Variants in PRR29 observed in about 807,000 individuals in gnomAD.
The protein encoded by PRR29 is proline-rich protein 29.
A neutral mutation model predicts 25.1 loss-of-function variants in PRR29; 20 were observed. That is an observed-to-expected ratio of 0.80 (90% CI 0.56 to 1.16). The LOEUF is 1.16. PRR29 is among the 50% of genes most tolerant of loss of function. PRR29 has a pLI of 0.00. For synonymous variants in PRR29, 108 were observed against 102.6 expected (o/e 1.05, Z -0.32); for missense variants, 238 against 246.6 (o/e 0.97, Z 0.23).
chr17:64,000,715 C>G lies in PRR29; in HGVS notation c.244-369C>G, dbSNP rs374093393. ...CCGCCCAGGCTGGAGTGCAGTAGCT[C>G]GATCTCTGCTCACTGCAAGCTCCGC... On this transcript the variant is annotated intron_variant, in intron 3 of 5. Coordinates refer to ENST00000412177, the MANE Select transcript of PRR29 (RefSeq NM_001164257.2). The G allele has an allele frequency of 3.7e-5, 8 of 215,494 alleles. No homozygotes were observed. The South Asian group carries it at 6.0e-4, about 16-fold the overall frequency. The allele number at this position is 215,494 out of a possible 1,614,324, so 13.3% of individuals were successfully genotyped here.
chr17:64,003,433 C>T lies in PRR29; in HGVS notation c.*1672C>T, dbSNP rs1451807731. ...ATGGGGCTTGATGGTGGCCGAGGAA[C>T]TAGTTGACCTCTCCCGACCTCTGGA... On this transcript the variant is annotated 3_prime_UTR_variant, in exon 6 of 6. Transcript: ENST00000412177. 1 of 584,698 alleles carries T rather than the reference C, an allele frequency of 1.7e-6. No homozygotes were observed. The highest frequency in any genetic ancestry group is 3.0e-6 in the Non-Finnish European group (1 of 328,330). The allele number at this position is 584,698 out of a possible 1,614,324, so 36.2% of individuals were successfully genotyped here.
Position 64,002,535 on chromosome 17 carries a change from C to T in PRR29, c.*774C>T, listed in dbSNP as rs888094648. 1.1e-5 allele frequency: 6 copies of T among 563,970 alleles called. No homozygotes were observed. Among genetic ancestry groups the T allele is most frequent in the East Asian group, 8.8e-5 (3 of 34,184 alleles). 34.9% of individuals were successfully genotyped at this position (563,970 alleles called of 1,614,324 possible). On this transcript the variant is annotated 3_prime_UTR_variant, in exon 6 of 6. Transcript: ENST00000412177. ...GAGGCATCTAGGGAGAGGGGTCCCC[C>T]ATGGTGGCTCCCCTCCCTGGCCATT...
chr17:64,003,614 TCC>T lies in PRR29; in HGVS notation c.*1855_*1856del. On this transcript the variant is annotated 3_prime_UTR_variant, in exon 6 of 6. Transcript: ENST00000412177. ...CGAGGGGCTGAAAGTGACTTATCAC[TCC>T]CAACTCCATCCACGGATCCCCCCTC... 6.3e-7 allele frequency: 1 copy of T among 1,593,444 alleles called. No homozygotes were observed. The highest frequency in any genetic ancestry group is 8.6e-7 in the Non-Finnish European group (1 of 1,167,862).
In PRR29 at chr17:64,001,932, C is replaced by T. The variant is rs570812200; in HGVS notation, c.*171C>T. On this transcript the variant is annotated 3_prime_UTR_variant, in exon 6 of 6. Transcript: ENST00000412177. Reference sequence around the variant, plus strand: ...CCTGGGGAAATCAGTCCCTGCCCCACGCCAATGAGTTCCTGGACGGGCCGG... The same window carrying T: ...CCTGGGGAAATCAGTCCCTGCCCCATGCCAATGAGTTCCTGGACGGGCCGG... 2.9e-5 allele frequency: 45 copies of T among 1,535,286 alleles called. No homozygotes were observed. Among genetic ancestry groups the T allele is most frequent in the Admixed American group, 3.9e-5 (2 of 50,962 alleles).
intron 3 of PRR29, 80 bp from the exon 4 acceptor site, chr17:64,001,004 T>C: frequency 8.3e-7 from 1 of 1,201,378 alleles, no homozygotes. Context: ...AGGAAATAAC[T>C]TAGGGGAATG....
chr17:64,003,677 T>C lies in PRR29; in HGVS notation c.*1916T>C, dbSNP rs769842746. ...TCCAACATCTTCGGGGCTGAGTGTT[T>C]GTGAAAGATGTTGCCACCGCGAGAC... On this transcript the variant is annotated 3_prime_UTR_variant, in exon 6 of 6. Transcript: ENST00000412177. 6.2e-7 allele frequency: 1 copy of C among 1,613,988 alleles called. No individual in the cohort carries two copies. Among genetic ancestry groups the C allele is most frequent in the Admixed American group, 1.7e-5 (1 of 60,010 alleles).
At chr17:64,000,657 C>A (rs932215524) in intron 3 of PRR29, among the ~76,000 whole-genome samples, 1 of 148,178 alleles carries the variant, frequency 6.7e-6, no homozygotes, top group Non-Finnish European at 1.5e-5. Flanking sequence ...TTTTTTTTTC[C>A]TTTTTTTTCT....
In PRR29 at chr17:63,998,797, T is replaced by TTGGC; in HGVS notation, c.136+15_136+16insTGGC. The TTGGC allele has an allele frequency of 9.4e-7, 1 of 1,062,604 alleles. No individual in the cohort carries two copies. Among genetic ancestry groups the TTGGC allele is most frequent in the Non-Finnish European group, 1.3e-6 (1 of 761,702 alleles). 65.8% of individuals were successfully genotyped at this position (1,062,604 alleles called of 1,614,324 possible). On this transcript the variant is annotated intron_variant, in intron 2 of 5. Transcript: ENST00000412177. Reference sequence around the variant, plus strand: ...CGTGAAGGAAGGTGAGACTCCCGGGTCCCCCCACCCCACCCCCACCATCAC... The same window carrying TTGGC: ...CGTGAAGGAAGGTGAGACTCCCGGGTTGGCCCCCCCACCCCACCCCCACCATCAC...
chr17:64,000,523 G>C, intron 3 of PRR29, among the ~76,000 whole-genome samples: 1 of 151,254 alleles, frequency 6.6e-6, no homozygotes, highest in East Asian at 2.0e-4. Context: ...TAGAGACGGG[G>C]TTTCACTATG....
rs1252947020 is a variant in PRR29, at chr17:64,001,116, G to A, written c.276G>A (p.Glu92=). 1 of 1,524,334 alleles carries A rather than the reference G, an allele frequency of 6.6e-7. No homozygotes were observed. The highest frequency in any genetic ancestry group is 8.8e-7 in the Non-Finnish European group (1 of 1,135,944). 94.4% of individuals were successfully genotyped at this position (1,524,334 alleles called of 1,614,324 possible). A position where few individuals can be genotyped will look rare whatever the true frequency, so the allele number is the denominator to read the frequency against. ...VYLEVPQEEP[E]EEEEEMDVRE... ...TGGAGGTTCCACAGGAAGAGCCTGAGGAGGAGGAGGAGGAGATGGACGTGC... is the reference window on the plus strand; with the variant it reads ...TGGAGGTTCCACAGGAAGAGCCTGAAGAGGAGGAGGAGGAGATGGACGTGC... Residue 92 remains glutamate (E), a synonymous_variant, in exon 4 of 6, where the codon GAG becomes GAA. Transcript: ENST00000412177.
Position 63,998,631 on chromosome 17 carries a change from C to CT in PRR29, c.61-76_61-75insT, listed in dbSNP as rs1567838094. 1.1e-5 allele frequency: 11 copies of CT among 1,009,742 alleles called. No individual in the cohort carries two copies. In the African/African-American group the frequency reaches 2.5e-4, roughly 23 times the overall value. 62.5% of individuals were successfully genotyped at this position (1,009,742 alleles called of 1,614,324 possible). A position where few individuals can be genotyped will look rare whatever the true frequency, so the allele number is the denominator to read the frequency against. ...CTGCGGGGTTAGGGAGGCCACTGGC[C>CT]GGGGGGGTTGGGGCTCGCGACGTGT... On this transcript the variant is annotated intron_variant, in intron 1 of 5. Coordinates refer to ENST00000412177, the MANE Select transcript of PRR29 (RefSeq NM_001164257.2).
Position 64,002,743 on chromosome 17 carries a change from G to T in PRR29, c.*982G>T, listed in dbSNP as rs759745825. ...CGTGGTGGTGGCCATGCCACTCATGGTTGCTATGGCCGGAAGGCCTGGGGC... is the reference window on the plus strand; with the variant it reads ...CGTGGTGGTGGCCATGCCACTCATGTTTGCTATGGCCGGAAGGCCTGGGGC... On this transcript the variant is annotated 3_prime_UTR_variant, in exon 6 of 6. Coordinates refer to ENST00000412177, the MANE Select transcript of PRR29 (RefSeq NM_001164257.2). The T allele has an allele frequency of 4.0e-5, 64 of 1,610,014 alleles. No individual in the cohort carries two copies. Among genetic ancestry groups the T allele is most frequent in the Non-Finnish European group, 5.3e-5 (63 of 1,179,236 alleles).
rs201009410 is a variant in PRR29, at chr17:64,002,817, C to A, written c.*1056C>A. 7 of 1,613,896 alleles carry A rather than the reference C, an allele frequency of 4.3e-6. No individual in the cohort carries two copies. The East Asian group carries it at 1.6e-4, about 36-fold the overall frequency. On this transcript the variant is annotated 3_prime_UTR_variant, in exon 6 of 6. Coordinates refer to ENST00000412177, the MANE Select transcript of PRR29 (RefSeq NM_001164257.2). The stretch of plus-strand genomic sequence containing the variant: ...CCCGTAGGTGCCCATCCGCTGCTGG[C>A]GCAAGTGCTGGCCGAAGATGAAGCA...
chr17:64,001,897 G>A lies in PRR29; in HGVS notation c.*136G>A, dbSNP rs1053014106. On this transcript the variant is annotated 3_prime_UTR_variant, in exon 6 of 6. Coordinates refer to ENST00000412177, the MANE Select transcript of PRR29 (RefSeq NM_001164257.2). The stretch of plus-strand genomic sequence containing the variant: ...TTCTCACTCCCTCAACCTCAGCCAG[G>A]CCCTCTTCTCCTGGGGAAATCAGTC... 1.3e-6 allele frequency: 2 copies of A among 1,535,944 alleles called. No individual in the cohort carries two copies. The highest frequency in any genetic ancestry group is 1.4e-5 in the African/African-American group (1 of 72,990).
Position 64,002,299 on chromosome 17 carries a change from T to TC in PRR29, c.*539dup. The TC allele has an allele frequency of 2.1e-6, 1 of 474,860 alleles. No individual in the cohort carries two copies. The highest frequency in any genetic ancestry group is 2.4e-5 in the South Asian group (1 of 41,740). The allele number at this position is 474,860 out of a possible 1,614,324, so 29.4% of individuals were successfully genotyped here. ...CCCACCCCTCATCCCAGGAAGCAGCTCTGTTGGCAGAAAGGAGAGGTCAGA... is the reference window on the plus strand; with the variant it reads ...CCCACCCCTCATCCCAGGAAGCAGCTCCTGTTGGCAGAAAGGAGAGGTCAGA... On this transcript the variant is annotated 3_prime_UTR_variant, in exon 6 of 6. Transcript: ENST00000412177.
Position 64,003,629 on chromosome 17 carries a change from C to T in PRR29, c.*1868C>T, listed in dbSNP as rs373580527. Reference sequence around the variant, plus strand: ...GACTTATCACTCCCAACTCCATCCACGGATCCCCCCTCACCATAGATCTCC... The same window carrying T: ...GACTTATCACTCCCAACTCCATCCATGGATCCCCCCTCACCATAGATCTCC... On this transcript the variant is annotated 3_prime_UTR_variant, in exon 6 of 6. Transcript: ENST00000412177. The T allele has an allele frequency of 1.2e-4, 200 of 1,602,680 alleles. No individual in the cohort carries two copies. The highest frequency in any genetic ancestry group is 4.9e-4 in the East Asian group (22 of 44,750).
At chr17:64,001,602 C>T in intron 5 of PRR29, 65 bp downstream of exon 5, 1 of 1,492,688 alleles carries the variant, frequency 6.7e-7, no homozygotes, top group South Asian at 1.3e-5. Flanking sequence ...CAGGAGGGCC[C>T]TGTGCCCTCT....
In PRR29 at chr17:64,002,654, TCA is replaced by T. The variant is rs757652887; in HGVS notation, c.*896_*897del. The T allele has an allele frequency of 8.6e-7, 1 of 1,165,266 alleles. No homozygotes were observed. The highest frequency in any genetic ancestry group is 1.2e-6 in the Non-Finnish European group (1 of 816,498). The allele number at this position is 1,165,266 out of a possible 1,614,324, so 72.2% of individuals were successfully genotyped here. ...CAATGTCCCAAGTCTCTGCTGCCTG[TCA>T]CAGTCCTTCAGCCAGGGCTGGACCT... On this transcript the variant is annotated 3_prime_UTR_variant, in exon 6 of 6. Transcript: ENST00000412177.
intron 3 of PRR29, chr17:64,000,753 C>T (rs553945969): frequency 4.7e-5 from 14 of 299,690 alleles, no homozygotes; most frequent in East Asian, 2.8e-4. Context: ...CCCGGGTTCA[C>T]GCCATTCTCC....
Sources: allele counts gnomAD v4.1 joint callset (sites outside exome capture counted in the v4.1 genomes callset), GRCh38; gene constraint gnomAD v4.1.1; transcripts MANE v1.5; gene names NCBI Gene and HGNC (gene_info 2026-07-23, HGNC 2026-07-21).